The following TAF1D variants were observed in gnomAD, a reference collection of about 807,000 sequenced individuals.
The protein encoded by TAF1D is TATA box-binding protein-associated factor RNA polymerase I subunit D.
TAF1D carries 23 observed loss-of-function variants against 26.2 expected under a neutral mutation model. The observed-to-expected ratio is 0.88, with a 90% CI of 0.63 to 1.25. The LOEUF is 1.25. Among genes scored for constraint, TAF1D ranks in the 50% most tolerant of loss-of-function variants. TAF1D has a pLI of 0.00. For synonymous variants in TAF1D, 100 were observed against 105.6 expected (o/e 0.95, Z 0.33); for missense variants, 299 against 322.0 (o/e 0.93, Z 0.55).
chr11:93,737,124 T>C lies in TAF1D; in HGVS notation c.575A>G (p.Asp192Gly). 3 of 1,612,472 alleles carry C rather than the reference T, an allele frequency of 1.9e-6. No individual in the cohort carries two copies. The highest frequency in any genetic ancestry group is 2.5e-6 in the Non-Finnish European group (3 of 1,179,310). Reference protein sequence around the residue: ...VGEDLENEDFDSRRYKFLDDD... With the variant: ...VGEDLENEDFGSRRYKFLDDD... Reference sequence around the variant, plus strand: ...ATCCAAAAATTTGTATCTACGACTGTCAAAATCTTCATTTTCTAAATCTTC... The same window carrying C: ...ATCCAAAAATTTGTATCTACGACTGCCAAAATCTTCATTTTCTAAATCTTC... Residue 192 changes from aspartate to glycine, a missense_variant, in exon 4 of 6, where the codon GAC (aspartate) becomes GGC (glycine). Physicochemically the swap from Asp to Gly is moderately conservative, Grantham distance 94. Transcript: ENST00000448108.
downstream of TAF1D, chr11:93,732,519 A>G: frequency 2.1e-6 from 1 of 474,598 alleles, no homozygotes; most frequent in South Asian, 1.5e-5. Flanking sequence ...GAACTGTACA[A>G]CTCGTATTCC....
downstream of TAF1D, chr11:93,734,062 A>AAT (rs1940090985): frequency 6.6e-6 from 1 of 152,546 alleles, no homozygotes; most frequent in East Asian, 1.9e-4. Flanking sequence ...ATTTAAGTTT[A>AAT]AAGTCTAACT....
At position 93,740,802 on chromosome 11, in the gene TAF1D, T is replaced by A. The variant is rs979144241; in HGVS notation, c.-28+520A>T. Among the ~76,000 whole-genome samples, 7 of 152,352 alleles carry A rather than the reference T, an allele frequency of 4.6e-5. No homozygotes were observed. The East Asian group carries it at 1.3e-3, about 29-fold the overall frequency. ...CGGTATACCTGTAGTTAATTTTTTTTAAAAGTAGGGATTATCAAAATAAAG... is the reference window on the plus strand; with the variant it reads ...CGGTATACCTGTAGTTAATTTTTTTAAAAAGTAGGGATTATCAAAATAAAG... On this transcript the variant is annotated intron_variant, in intron 1 of 5. Coordinates refer to ENST00000448108, the MANE Select transcript of TAF1D (RefSeq NM_024116.4).
downstream of TAF1D, chr11:93,733,089 C>T (rs1270273105): frequency 5.6e-6 from 2 of 358,674 alleles, no homozygotes; most frequent in East Asian, 1.4e-4. Flanking sequence ...TTACTTACCT[C>T]TCAACATGAA....
At position 93,737,257 on chromosome 11, in the gene TAF1D, CATAAGT is replaced by C. The variant is rs766514504; in HGVS notation, c.460-24_460-19del. The C allele has an allele frequency of 7.1e-6, 11 of 1,546,598 alleles. No homozygotes were observed. Among genetic ancestry groups the C allele is most frequent in the African/African-American group, 1.4e-5 (1 of 72,180 alleles). On this transcript the variant is annotated intron_variant, in intron 3 of 5. Coordinates refer to ENST00000448108, the MANE Select transcript of TAF1D (RefSeq NM_024116.4). ...ACAGCTTGCTATATATTAAAAACAC[CATAAGT>C]ATGTCGAGATTTTATTTTTAAGACC... is the stretch of plus-strand genomic sequence containing the variant.
intron 5 of TAF1D, 194 bp from the exon 6 acceptor site, chr11:93,736,498 T>TA: frequency 7.0e-7 from 1 of 1,424,934 alleles, no homozygotes; most frequent in Non-Finnish European, 9.1e-7. Flanking sequence ...TGCTACTTAT[T>TA]AAAAATAGTA....
At chr11:93,740,472 G>T in intron 1 of TAF1D, among the ~76,000 whole-genome samples, 2 of 118,268 alleles carry the variant, frequency 1.7e-5, no homozygotes, top group Admixed American at 8.6e-5. Flanking sequence ...AAAAAGGCAT[G>T]GCAACAAAAA....
At chr11:93,739,847 T>C (rs779063967) in intron 1 of TAF1D, among the ~76,000 whole-genome samples, 3 of 151,944 alleles carry the variant, frequency 2.0e-5, no homozygotes, top group Non-Finnish European at 4.4e-5. Context: ...CTTTGTCATA[T>C]TGTATCTTTG....
chr11:93,738,420 G>A lies in TAF1D; in HGVS notation c.148C>T (p.Arg50Ter), dbSNP rs766419516. The A allele has an allele frequency of 5.6e-6, 9 of 1,612,526 alleles. No homozygotes were observed. The highest frequency in any genetic ancestry group is 2.2e-5 in the East Asian group (1 of 44,866). Reference sequence around the variant, plus strand: ...CTTTCAGGTGTACGAACAAATTTTCGAATGGGGTTTCTTTTCTCCCCTTTA... The same window carrying A: ...CTTTCAGGTGTACGAACAAATTTTCAAATGGGGTTTCTTTTCTCCCCTTTA... ...SPKGEKRNPI[R>*]KFVRTPESVH... Residue 50 changes from arginine to a stop codon, truncating the protein, a stop_gained, in exon 3 of 6, where the codon CGA becomes TGA. Coordinates refer to ENST00000448108, the MANE Select transcript of TAF1D (RefSeq NM_024116.4). LOFTEE classifies it high-confidence loss of function.
intron 1 of TAF1D, among the ~76,000 whole-genome samples, chr11:93,740,732 A>G (rs2135544630): frequency 6.6e-6 from 1 of 152,316 alleles, no homozygotes; most frequent in East Asian, 1.9e-4. Flanking sequence ...TAAATATCGA[A>G]TGCTCAAAAA....
chr11:93,735,478 T>A (rs749850424), downstream of TAF1D: 93 of 427,302 alleles, frequency 2.2e-4, no homozygotes, highest in Non-Finnish European at 2.9e-4. Flanking sequence ...AGGTCAGGAG[T>A]TCGAGACCAT....
At chr11:93,734,638 C>T (rs1940281511), downstream of TAF1D, 1 of 921,060 alleles carries the variant, frequency 1.1e-6, no homozygotes, top group Non-Finnish European at 1.5e-6. Context: ...TAACTCCAGA[C>T]ACCATGTTCT....
chr11:93,733,441 C>T (rs1310368134), downstream of TAF1D: 1 of 518,520 alleles, frequency 1.9e-6, no homozygotes, highest in South Asian at 1.4e-5. Flanking sequence ...TAACGTTTAG[C>T]AACCGTCTTT....
Position 93,739,279 on chromosome 11 carries a change from A to T in TAF1D, c.26T>A (p.Leu9His). 6.2e-7 allele frequency: 1 copy of T among 1,612,350 alleles called. No individual in the cohort carries two copies. Among genetic ancestry groups the T allele is most frequent in the Non-Finnish European group, 8.5e-7 (1 of 1,179,678 alleles). ...CACAGCATCAGATGTCACATGGTCA[A>T]GAGAATCTATTCCTGATTTATCCAT... MDKSGIDS[L>H]DHVTSDAVEL... Residue 9 changes from leucine to histidine, a missense_variant, in exon 2 of 6, where the codon CTT (leucine) becomes CAT (histidine). Leu to His is a moderately conservative substitution (Grantham distance 99). Coordinates refer to ENST00000448108, the MANE Select transcript of TAF1D (RefSeq NM_024116.4).
downstream of TAF1D, chr11:93,732,835 A>G: frequency 4.3e-6 from 1 of 235,182 alleles, no homozygotes; most frequent in Middle Eastern, 1.7e-3. Flanking sequence ...ATATCCACAC[A>G]GGTTTACGTG....
chr11:93,737,529 T>C (rs1280775878), intron 3 of TAF1D, among the ~76,000 whole-genome samples: 1 of 152,216 alleles, frequency 6.6e-6, no homozygotes, highest in African/African-American at 2.4e-5. Flanking sequence ...ATGTTTACTA[T>C]AATCACCTTA....
chr11:93,739,421 A>G (rs1384219739), intron 1 of TAF1D, 90 bp from the exon 2 acceptor site: 25 of 755,324 alleles, frequency 3.3e-5, no homozygotes, highest in Middle Eastern at 3.2e-4. Flanking sequence ...GACTATGCCA[A>G]TGATTTCAGG....
chr11:93,739,934 C>G (rs961500599), intron 1 of TAF1D, among the ~76,000 whole-genome samples: 3 of 147,648 alleles, frequency 2.0e-5, no homozygotes, highest in African/African-American at 7.5e-5. Context: ...GTGTCTTCAT[C>G]CCCATGGTAG....
chr11:93,735,953 T>A lies in TAF1D; in HGVS notation c.*208A>T. 3.0e-6 allele frequency: 4 copies of A among 1,329,384 alleles called. No homozygotes were observed. The highest frequency in any genetic ancestry group is 3.8e-6 in the Non-Finnish European group (4 of 1,045,052). The allele number at this position is 1,329,384 out of a possible 1,614,324, so 82.3% of individuals were successfully genotyped here. ...ATTTTTCTATGTATTTTCTCTGGTG[T>A]TTTAATGGTTTTTTTTCTAATTATT... On this transcript the variant is annotated 3_prime_UTR_variant, in exon 6 of 6. Coordinates refer to ENST00000448108, the MANE Select transcript of TAF1D (RefSeq NM_024116.4).
Sources: gnomAD v4.1 joint callset for allele counts (sites outside exome capture counted in the v4.1 genomes callset) on GRCh38, gnomAD v4.1.1 for gene constraint, MANE v1.5 for transcripts, NCBI Gene and HGNC (gene_info 2026-07-23, HGNC 2026-07-21) for gene names.